NXN: variants seen among roughly 807,000 people sequenced by gnomAD.
NXN encodes nucleoredoxin 1.
A neutral mutation model predicts 48.6 loss-of-function variants in NXN; 16 were observed. The ratio of observed to expected loss-of-function variants is 0.33; its 90% confidence interval spans 0.22 to 0.50. NXN has a LOEUF of 0.50. Among genes scored for constraint, NXN ranks in the 20% least tolerant of loss-of-function variants. NXN has a pLI of 0.98. For synonymous variants in NXN, 281 were observed against 269.6 expected (o/e 1.04, Z -0.41); for missense variants, 492 against 605.5 (o/e 0.81, Z 1.97).
At chr17:910,856 T>C (rs1235640405) in intron 1 of NXN, 2 of 152,106 alleles carry the variant, frequency 1.3e-5, no homozygotes, top group East Asian at 3.9e-4. Context: ...TCACAGACCT[T>C]CTCACACAGG....
chr17:833,028 C>T (rs1913577977), intron 1 of NXN, among the ~76,000 whole-genome samples: 1 of 151,978 alleles, frequency 6.6e-6, no homozygotes, highest in African/African-American at 2.4e-5. Flanking sequence ...GTAGCTGGGA[C>T]TACAGGCACC....
At chr17:933,096 C>T (rs762614915) in intron 1 of NXN, among the ~76,000 whole-genome samples, 1 of 152,100 alleles carries the variant, frequency 6.6e-6, no homozygotes, top group Non-Finnish European at 1.5e-5. Context: ...TCTGGGGCCA[C>T]GAGGACCGAG....
intron 1 of NXN, chr17:930,081 C>A (rs546848461): frequency 5.9e-5 from 9 of 152,102 alleles, no homozygotes; most frequent in African/African-American, 1.9e-4. Context: ...CAGAGAACCA[C>A]CTGTGTCTGG....
intron 1 of NXN, among the ~76,000 whole-genome samples, chr17:937,699 T>C (rs182912157): frequency 4.6e-5 from 7 of 152,060 alleles, no homozygotes; most frequent in Non-Finnish European, 8.8e-5. Flanking sequence ...GAGACAGACA[T>C]CAAAGGCATC....
chr17:850,214 C>T (rs2067909064), intron 1 of NXN, among the ~76,000 whole-genome samples: 1 of 152,192 alleles, frequency 6.6e-6, no homozygotes, highest in South Asian at 2.1e-4. Flanking sequence ...CCTTTCAAAT[C>T]CCTTTCTCAC....
chr17:843,607 G>C (rs74478767), intron 1 of NXN, among the ~76,000 whole-genome samples: 1 of 152,230 alleles, frequency 6.6e-6, no homozygotes, highest in East Asian at 1.9e-4. Flanking sequence ...TTGCATAGGA[G>C]GGGGAGTGAG....
chr17:844,472 C>T (rs1348703707), intron 1 of NXN, among the ~76,000 whole-genome samples: 1 of 152,270 alleles, frequency 6.6e-6, no homozygotes, highest in Non-Finnish European at 1.5e-5. Flanking sequence ...CCATCCACTC[C>T]TGTGGCTCGG....
At chr17:813,616 G>C (rs1912294694) in intron 5 of NXN, among the ~76,000 whole-genome samples, 6 of 152,236 alleles carry the variant, frequency 3.9e-5, no homozygotes, top group Admixed American at 3.9e-4. Flanking sequence ...TGACGTTTCT[G>C]TGTGTCAAGA....
intron 1 of NXN, among the ~76,000 whole-genome samples, chr17:865,362 C>A (rs1264483269): frequency 6.6e-6 from 1 of 152,034 alleles, no homozygotes; most frequent in Non-Finnish European, 1.5e-5. Flanking sequence ...CCTGCCTCAG[C>A]CTCCTGCATA....
rs551206853 is a variant in NXN at position 869,977 on chromosome 17, G to C, written c.361-43899C>G. 3.3e-5 allele frequency among the ~76,000 whole-genome samples: 5 copies of C among 152,274 alleles called. No individual in the cohort carries two copies. The East Asian group carries it at 9.6e-4, about 29-fold the overall frequency. On this transcript the variant is annotated intron_variant, in intron 1 of 7. Transcript: ENST00000336868. Reference sequence around the variant, plus strand: ...TGCCTTAAGCCGGCAGTTTTCAACCGGGGGGTGGTTGTGCTTCCCACGGGC... The same window carrying C: ...TGCCTTAAGCCGGCAGTTTTCAACCCGGGGGTGGTTGTGCTTCCCACGGGC...
intron 1 of NXN, among the ~76,000 whole-genome samples, chr17:880,579 T>C (rs1049657805): frequency 1.5e-4 from 23 of 152,064 alleles, no homozygotes; most frequent in African/African-American, 5.3e-4. Flanking sequence ...AGGGAGAAAA[T>C]TAAAAATAAG....
At chr17:928,561 C>T (rs566147915) in intron 1 of NXN, among the ~76,000 whole-genome samples, 60 of 152,252 alleles carry the variant, frequency 3.9e-4, no homozygotes, top group East Asian at 1.9e-4. Flanking sequence ...GAAGGTTGGG[C>T]GCGGTGGCTC....
chr17:893,263 G>A (rs1026134301), intron 1 of NXN, among the ~76,000 whole-genome samples: 7 of 152,180 alleles, frequency 4.6e-5, no homozygotes, highest in Non-Finnish European at 1.0e-4. Flanking sequence ...TTCTGAGTGC[G>A]CATGGGTTGT....
At chr17:936,338 C>T (rs8066083) in intron 1 of NXN, among the ~76,000 whole-genome samples, 43,881 of 151,784 alleles carry the variant, frequency 0.29, 6,833 homozygotes, top group African/African-American at 0.37. Flanking sequence ...GTGGAAGAGC[C>T]GCCCTCCCTC....
intron 5 of NXN, among the ~76,000 whole-genome samples, chr17:817,806 T>G (rs1033360785): frequency 6.6e-6 from 1 of 152,156 alleles, no homozygotes; most frequent in Non-Finnish European, 1.5e-5. Context: ...TGTATCTGTT[T>G]ACAGCTGACA....
In NXN at chr17:970,845, T is replaced by C. The variant is rs533407452; in HGVS notation, c.360+8474A>G. Among the ~76,000 whole-genome samples the C allele has an allele frequency of 4.2e-4, 64 of 152,236 alleles. 1 individual carries two copies. Among genetic ancestry groups the C allele is most frequent in the South Asian group, 8.3e-4 (4 of 4,822 alleles). ...ACTGATTACTAGTTGCTGGAAGACG[T>C]AATATGTACGCATTTTGAGTTCTTT... On this transcript the variant is annotated intron_variant, in intron 1 of 7. Transcript: ENST00000336868.
At chr17:918,991 G>C (rs1454956047) in intron 1 of NXN, among the ~76,000 whole-genome samples, 1 of 151,942 alleles carries the variant, frequency 6.6e-6, no homozygotes, top group Non-Finnish European at 1.5e-5. Context: ...CTTGAGGCCA[G>C]GAGTTTGAGG....
Position 887,568 on chromosome 17 carries a change from A to G in NXN, c.361-61490T>C, listed in dbSNP as rs567877953. Reference sequence around the variant, plus strand: ...TCCTCCCAAGTGAAGAGGCCGAGAAAAGAATCCATTTTATTTGTCAGAACC... The same window carrying G: ...TCCTCCCAAGTGAAGAGGCCGAGAAGAGAATCCATTTTATTTGTCAGAACC... On this transcript the variant is annotated intron_variant, in intron 1 of 7. Coordinates refer to ENST00000336868, the MANE Select transcript of NXN (RefSeq NM_022463.5). Among the ~76,000 whole-genome samples the G allele has an allele frequency of 7.2e-4, 109 of 152,318 alleles. 1 individual carries two copies. The highest frequency in any genetic ancestry group is 2.5e-3 in the African/African-American group (106 of 41,588).
chr17:883,936 G>A (rs1051809565), intron 1 of NXN, among the ~76,000 whole-genome samples: 7 of 152,126 alleles, frequency 4.6e-5, no homozygotes, highest in African/African-American at 1.4e-4. Flanking sequence ...AAACATTGCT[G>A]GGCCGGGCGC....
Sources: allele counts gnomAD v4.1 joint callset (sites outside exome capture counted in the v4.1 genomes callset), GRCh38; gene constraint gnomAD v4.1.1; transcripts MANE v1.5; gene names NCBI Gene and HGNC (gene_info 2026-07-23, HGNC 2026-07-21).